SFSWAP: variants seen among roughly 807,000 people sequenced by gnomAD.
SFSWAP encodes the protein splicing factor, suppressor of white-apricot homolog.
In SFSWAP, 17 loss-of-function variants were observed where a neutral mutation model predicts 100.7. That is an observed-to-expected ratio of 0.17 (90% CI 0.12 to 0.25). SFSWAP has a LOEUF of 0.25. SFSWAP is among the 10% of genes least tolerant of loss of function. SFSWAP has a pLI of 1.00. For synonymous variants in SFSWAP, 504 were observed against 510.1 expected (o/e 0.99, Z 0.16); for missense variants, 1,005 against 1,262.6 (o/e 0.80, Z 3.09).
chr12:131,748,928 T>A (rs930430896), intron 7 of SFSWAP, among the ~76,000 whole-genome samples: 2 of 152,184 alleles, frequency 1.3e-5, no homozygotes, highest in Non-Finnish European at 2.9e-5. Flanking sequence ...TAAAACGTAG[T>A]CCCCTTTGGG....
chr12:131,771,650 C>CTTTTTTTTTT (rs398021691), intron 13 of SFSWAP, among the ~76,000 whole-genome samples: 5 of 86,108 alleles, frequency 5.8e-5, no homozygotes, highest in African/African-American at 1.6e-4. Flanking sequence ...GCTAATGTCT[C>CTTTTTTTTTT]TTTTTTTTTT....
chr12:131,779,850 G>A (rs534031709), intron 14 of SFSWAP, among the ~76,000 whole-genome samples: 5 of 152,322 alleles, frequency 3.3e-5, no homozygotes, highest in South Asian at 2.1e-4. Context: ...GCAATGGCAC[G>A]ATCTTGGCTC....
rs147498498 is a variant in SFSWAP, at chr12:131,733,817, G to T, written c.1081+5389G>T. 9.2e-5 allele frequency among the ~76,000 whole-genome samples: 14 copies of T among 152,042 alleles called. No homozygotes were observed. Among genetic ancestry groups the T allele is most frequent in the Non-Finnish European group, 1.6e-4 (11 of 67,980 alleles). On this transcript the variant is annotated intron_variant, in intron 7 of 17. Coordinates refer to ENST00000261674, the MANE Select transcript of SFSWAP (RefSeq NM_004592.4). This position sits in a 1 kb window ranked among gnomAD's most constrained non-coding sequence, Gnocchi z 5.1. ...TTCAGGCTTGTCTTCCTGCCGCAGC[G>T]CAGCAGCCCTCCCATGCCTGGGTCC...
intron 15 of SFSWAP, chr12:131,796,870 A>T: frequency 3.6e-6 from 1 of 278,734 alleles, no homozygotes; most frequent in Non-Finnish European, 6.6e-6. Flanking sequence ...TTGATGAAAC[A>T]TAAGTGGCAA....
chr12:131,759,117 G>T (rs1380515860), intron 11 of SFSWAP, among the ~76,000 whole-genome samples: 1 of 152,080 alleles, frequency 6.6e-6, no homozygotes. Context: ...GCTACAACTA[G>T]AAGTTAACAC....
At chr12:131,763,527 A>G (rs1882850350) in intron 11 of SFSWAP, among the ~76,000 whole-genome samples, 1 of 152,186 alleles carries the variant, frequency 6.6e-6, no homozygotes, top group South Asian at 2.1e-4. Context: ...TAGGGCCTCC[A>G]TATTTCCCTT....
At chr12:131,791,779 T>C (rs55690718) in intron 15 of SFSWAP, among the ~76,000 whole-genome samples, 4 of 152,202 alleles carry the variant, frequency 2.6e-5, no homozygotes, top group Admixed American at 6.5e-5. Context: ...TACTCTTTTT[T>C]AAAAAATAGA....
intron 7 of SFSWAP, among the ~76,000 whole-genome samples, chr12:131,732,268 G>A (rs1018024863): frequency 1.3e-5 from 2 of 152,156 alleles, no homozygotes; most frequent in South Asian, 2.1e-4. Flanking sequence ...TAACTGTAAC[G>A]TTTGCAATGC....
intron 4 of SFSWAP, among the ~76,000 whole-genome samples, chr12:131,722,727 C>T (rs1566005212): frequency 1.3e-5 from 2 of 151,806 alleles, no homozygotes; most frequent in Non-Finnish European, 2.9e-5. Flanking sequence ...GTGGGAGAAT[C>T]GCTTGAGCCC....
chr12:131,717,209 A>G (rs1341873289), intron 3 of SFSWAP, among the ~76,000 whole-genome samples: 3 of 152,204 alleles, frequency 2.0e-5, no homozygotes, highest in African/African-American at 4.8e-5. Context: ...TGAGCCATCA[A>G]TATGTCTACG....
At chr12:131,793,594 G>T (rs1300339584) in intron 15 of SFSWAP, among the ~76,000 whole-genome samples, 1 of 152,100 alleles carries the variant, frequency 6.6e-6, no homozygotes, top group African/African-American at 2.4e-5. Context: ...CCTCTGATAA[G>T]AGGAAAAAAC....
At chr12:131,773,591 G>A (rs1200665360) in intron 13 of SFSWAP, among the ~76,000 whole-genome samples, 5 of 152,072 alleles carry the variant, frequency 3.3e-5, no homozygotes, top group South Asian at 2.1e-4. Flanking sequence ...CAGTTCTCCC[G>A]CCTTGGCCTC....
At chr12:131,743,623 G>A (rs1267648801) in intron 7 of SFSWAP, among the ~76,000 whole-genome samples, 1 of 152,236 alleles carries the variant, frequency 6.6e-6, no homozygotes, top group Admixed American at 6.5e-5. Context: ...GTTGAGTGTG[G>A]CTTTTCCAGG....
At chr12:131,748,216 T>C (rs1881312532) in intron 7 of SFSWAP, among the ~76,000 whole-genome samples, 1 of 54,176 alleles carries the variant, frequency 1.8e-5, no homozygotes, top group East Asian at 9.2e-4. Flanking sequence ...ACTATTTTAA[T>C]TCTTTTTTTT....
rs146967954 is a variant in SFSWAP at position 131,742,297 on chromosome 12, A to G, written c.1082-10826A>G. Among the ~76,000 whole-genome samples the G allele has an allele frequency of 3.5e-3, 534 of 151,822 alleles. 19 individuals are homozygous for G. Among genetic ancestry groups the G allele is most frequent in the Admixed American group, 0.031 (469 of 15,258 alleles). On this transcript the variant is annotated intron_variant, in intron 7 of 17. Transcript: ENST00000261674. ...CAGCCACTTGCTCTCTTTACCCACA[A>G]CTCTCTGGAACCTATTTTTATGTAA...
intron 7 of SFSWAP, among the ~76,000 whole-genome samples, chr12:131,735,145 A>G (rs1235579070): frequency 1.3e-5 from 2 of 152,172 alleles, no homozygotes; most frequent in Admixed American, 1.3e-4. Flanking sequence ...GGGACAAGGG[A>G]AACTTGGAAA....
chr12:131,776,073 C>T (rs936910586), intron 13 of SFSWAP, among the ~76,000 whole-genome samples: 4 of 152,084 alleles, frequency 2.6e-5, no homozygotes, highest in Non-Finnish European at 5.9e-5. Context: ...CTGCACTCCA[C>T]CCCGGCAACA....
intron 12 of SFSWAP, among the ~76,000 whole-genome samples, chr12:131,765,149 G>A (rs1034916330): frequency 5.3e-5 from 8 of 152,322 alleles, no homozygotes; most frequent in African/African-American, 7.2e-5. Flanking sequence ...TTCATGGGCC[G>A]CAGTGTGGCC....
At chr12:131,787,786 C>T (rs1884996993) in intron 15 of SFSWAP, among the ~76,000 whole-genome samples, 1 of 152,188 alleles carries the variant, frequency 6.6e-6, no homozygotes. Context: ...ACAGCAGGTC[C>T]TCCCCACAGC....
Sources: allele counts gnomAD v4.1 joint callset (sites outside exome capture counted in the v4.1 genomes callset), GRCh38; gene constraint gnomAD v4.1.1; non-coding constraint Gnocchi (gnomAD v3.1); transcripts MANE v1.5; gene names NCBI Gene and HGNC (gene_info 2026-07-23, HGNC 2026-07-21).